The following DEPDC4 variants were observed in gnomAD, a reference collection of about 807,000 sequenced individuals.
The protein encoded by DEPDC4 is DEP domain containing 4.
Under a neutral mutation model 52.0 loss-of-function variants are expected in DEPDC4, and 52 were observed. The observed-to-expected ratio is 1.00, with a 90% CI of 0.80 to 1.26. The LOEUF (loss-of-function observed/expected upper bound fraction) is 1.26. Ranked by LOEUF, DEPDC4 falls within the 50% of genes most tolerant of loss-of-function variation. The pLI is 0.00. For missense variants in DEPDC4, 530 were observed against 546.9 expected, an observed-to-expected ratio of 0.97 and a Z score of 0.31; for synonymous variants, 201 against 196.8, an observed-to-expected ratio of 1.02 and a Z score of -0.18.
At chr12:100,246,734 C>T (rs533552146) in intron 8 of DEPDC4, among the ~76,000 whole-genome samples, 16 of 152,160 alleles carry the variant, frequency 1.1e-4, no homozygotes, top group South Asian at 8.3e-4. Flanking sequence ...GTCAGGAGTT[C>T]GAGACCAGCC....
the DEPDC4 span, among the ~76,000 whole-genome samples, chr12:100,273,770 A>G: frequency 3.9e-4 from 59 of 152,148 alleles, no homozygotes; most frequent in Non-Finnish European, 7.5e-4. Flanking sequence ...CCATCTTAAT[A>G]TTTCCATAGC....
At chr12:100,256,273 T>C (rs1482191745) in intron 3 of DEPDC4, 47 bp from the exon 4 acceptor site, 3 of 1,383,608 alleles carry the variant, frequency 2.2e-6, no homozygotes, top group African/African-American at 1.4e-5. Flanking sequence ...AAATAAAACA[T>C]ACACATTCAA....
At chr12:100,235,065 G>GTATATA (rs34143490), downstream of DEPDC4, among the ~76,000 whole-genome samples, 8 of 149,680 alleles carry the variant, frequency 5.3e-5, no homozygotes, top group East Asian at 2.0e-4. Context: ...GTATGTGTGT[G>GTATATA]TATATATATA....
chr12:100,234,298 G>A lies in DEPDC4; in HGVS notation c.*699+3670C>T, dbSNP rs147582973. Among the ~76,000 whole-genome samples the A allele has an allele frequency of 3.9e-4, 60 of 152,322 alleles. 2 individuals are homozygous for A. The highest frequency in any genetic ancestry group is 3.4e-3 in the Middle Eastern group (1 of 294). On this transcript the variant is annotated intron_variant and NMD_transcript_variant, in intron 9 of 10. Coordinates refer to the DEPDC4 transcript ENST00000378244. ...TCAAATCTGGGTACGGCATGGCCAA[G>A]TGGTGGGAATTTATAGCCAAGAAGC...
At chr12:100,237,207 C>CT (rs55710732), downstream of DEPDC4, among the ~76,000 whole-genome samples, 247 of 136,144 alleles carry the variant, frequency 1.8e-3, 2 homozygotes, top group Middle Eastern at 3.6e-3. Context: ...TTTTCTTTTT[C>CT]TTTTTTTTTT....
chr12:100,250,014 GT>G (rs1566313973), intron 7 of DEPDC4, among the ~76,000 whole-genome samples: 1 of 152,098 alleles, frequency 6.6e-6, no homozygotes, highest in Non-Finnish European at 1.5e-5. Flanking sequence ...GGACAGCCCC[GT>G]AACAGGAAAA....
At chr12:100,246,094 G>T (rs919083569) in intron 8 of DEPDC4, among the ~76,000 whole-genome samples, 1 of 151,006 alleles carries the variant, frequency 6.6e-6, no homozygotes, top group Non-Finnish European at 1.5e-5. Context: ...CAAGCAGCTA[G>T]GACCACAGGC....
At chr12:100,249,015 A>AT (rs147575928) in intron 7 of DEPDC4, 37 bp from the exon 8 acceptor site, 31 of 875,850 alleles carry the variant, frequency 3.5e-5, no homozygotes, top group Non-Finnish European at 4.0e-5. Flanking sequence ...ATTTAATATG[A>AT]TTTTTTTCTA....
At chr12:100,254,896 A>T (rs532723482) in intron 4 of DEPDC4, among the ~76,000 whole-genome samples, 11 of 151,308 alleles carry the variant, frequency 7.3e-5, no homozygotes, top group South Asian at 2.1e-4. Context: ...TAATTTAAAA[A>T]TTTTTTTTTC....
At chr12:100,267,158 C>A (rs370552599), upstream of DEPDC4, 13 of 1,469,254 alleles carry the variant, frequency 8.8e-6, no homozygotes, top group African/African-American at 1.4e-5. Context: ...ACGTCATGCC[C>A]CCGGCCGGCA....
chr12:100,278,136 T>G, the DEPDC4 span, among the ~76,000 whole-genome samples: 1 of 152,194 alleles, frequency 6.6e-6, no homozygotes, highest in African/African-American at 2.4e-5. Flanking sequence ...GAAAAGTATT[T>G]TATATACCCA....
chr12:100,267,220 CTCCCCACCCCTT>C, upstream of DEPDC4: 1 of 839,434 alleles, frequency 1.2e-6, no homozygotes, highest in Non-Finnish European at 1.8e-6. Context: ...GGTCCCTCCC[CTCCCCACCCCTT>C]TCCTTCTAGC....
the DEPDC4 span, among the ~76,000 whole-genome samples, chr12:100,273,985 A>G: frequency 6.6e-6 from 1 of 152,234 alleles, no homozygotes; most frequent in Non-Finnish European, 1.5e-5. Context: ...CCTTCCCGTC[A>G]AAATCAACAG....
At chr12:100,249,545 A>G (rs921168294) in intron 7 of DEPDC4, among the ~76,000 whole-genome samples, 2 of 152,240 alleles carry the variant, frequency 1.3e-5, no homozygotes, top group African/African-American at 4.8e-5. Flanking sequence ...ATTTGGTTAT[A>G]CCAAAGGTAA....
At chr12:100,250,234 T>C (rs1230865385) in intron 7 of DEPDC4, among the ~76,000 whole-genome samples, 1 of 152,172 alleles carries the variant, frequency 6.6e-6, no homozygotes, top group Non-Finnish European at 1.5e-5. Flanking sequence ...TCTGTTTTTT[T>C]AGATGGAGTC....
chr12:100,268,507 G>T (rs1566336582), upstream of DEPDC4, among the ~76,000 whole-genome samples: 1 of 152,154 alleles, frequency 6.6e-6, no homozygotes, highest in Non-Finnish European at 1.5e-5. Context: ...ACATTAAACT[G>T]TAATCATAAA....
intron 1 of DEPDC4, among the ~76,000 whole-genome samples, chr12:100,265,541 G>A (rs559417455): frequency 6.6e-6 from 1 of 152,200 alleles, no homozygotes; most frequent in African/African-American, 2.4e-5. Flanking sequence ...GTTGCGGTGA[G>A]CCGAGATCAC....
At chr12:100,255,254 A>G (rs2096227692) in intron 4 of DEPDC4, among the ~76,000 whole-genome samples, 1 of 152,188 alleles carries the variant, frequency 6.6e-6, no homozygotes, top group African/African-American at 2.4e-5. Flanking sequence ...TGGTGTCCCT[A>G]TACTATCCCT....
At chr12:100,266,816 T>G in intron 1 of DEPDC4, 104 bp downstream of exon 1, 4 of 1,416,844 alleles carry the variant, frequency 2.8e-6, no homozygotes, top group Non-Finnish European at 2.8e-6. Context: ...GGCTAGGAAA[T>G]GGGCGGGGCC....
Sources: allele counts gnomAD v4.1 joint callset (sites outside exome capture counted in the v4.1 genomes callset), GRCh38; gene constraint gnomAD v4.1.1; transcripts MANE v1.5; gene names NCBI Gene and HGNC (gene_info 2026-07-23, HGNC 2026-07-21).